The following SDK1 variants were observed in gnomAD, a reference collection of about 807,000 sequenced individuals.
SDK1 encodes the protein sidekick cell adhesion molecule 1.
SDK1 carries 157 observed loss-of-function variants against 245.5 expected under a neutral mutation model. The observed-to-expected ratio is 0.64, with a 90% CI of 0.56 to 0.73. The LOEUF (loss-of-function observed/expected upper bound fraction) is 0.73, where lower values mean the gene tolerates loss of function less well. Ranked by LOEUF, SDK1 falls within the 30% of genes least tolerant of loss-of-function variation. SDK1 has a pLI of 0.00. For missense variants in SDK1, 3,583 were observed against 3,002.3 expected, an observed-to-expected ratio of 1.19 and a Z score of -4.52; for synonymous variants, 1,647 against 1,278.5, an observed-to-expected ratio of 1.29 and a Z score of -6.15.
At chr7:4,061,727 C>T (rs1281243876) in intron 19 of SDK1, among the ~76,000 whole-genome samples, 3 of 152,002 alleles carry the variant, frequency 2.0e-5, no homozygotes, top group Non-Finnish European at 4.4e-5. Flanking sequence ...GACTTTGAAC[C>T]AATCCAAATG....
chr7:4,034,685 A>G (rs545115088), intron 17 of SDK1, among the ~76,000 whole-genome samples: 2 of 152,318 alleles, frequency 1.3e-5, no homozygotes, highest in South Asian at 2.1e-4. Flanking sequence ...TATTCCAAAA[A>G]TGAACTTGCA....
rs1012906075 is a variant in SDK1 at position 3,688,993 on chromosome 7, C to G, written c.713+46888C>G. On this transcript the variant is annotated intron_variant, in intron 4 of 44. Transcript: ENST00000404826. ...CCCAAGGGGCCAATCCATCCATGTT[C>G]CCACCTTCTGCTATACTTGCGTTCC... Among the ~76,000 whole-genome samples, 13 of 152,308 alleles carry G rather than the reference C, an allele frequency of 8.5e-5. No homozygotes were observed. In the South Asian group the frequency reaches 1.0e-3, roughly 12 times the overall value.
At chr7:3,714,898 T>C (rs1393918476) in intron 4 of SDK1, among the ~76,000 whole-genome samples, 1 of 152,188 alleles carries the variant, frequency 6.6e-6, no homozygotes, top group African/African-American at 2.4e-5. Flanking sequence ...AATTTTTAGA[T>C]TTTAAAATGT....
intron 17 of SDK1, among the ~76,000 whole-genome samples, chr7:4,025,657 TC>T (rs1468111097): frequency 2.0e-5 from 3 of 152,200 alleles, no homozygotes; most frequent in African/African-American, 7.2e-5. Context: ...TATCCCCATA[TC>T]CAAGCACAAT....
At chr7:3,632,087 C>G (rs1159490737) in intron 2 of SDK1, among the ~76,000 whole-genome samples, 2 of 152,122 alleles carry the variant, frequency 1.3e-5, no homozygotes, top group African/African-American at 4.8e-5. Context: ...AACAGACATG[C>G]AATAAAAGAT....
At chr7:4,088,054 C>A (rs1012775921) in intron 22 of SDK1, among the ~76,000 whole-genome samples, 1 of 152,102 alleles carries the variant, frequency 6.6e-6, no homozygotes, top group African/African-American at 2.4e-5. Flanking sequence ...CTGTTATAAC[C>A]CCGTGTCACA....
intron 1 of SDK1, among the ~76,000 whole-genome samples, chr7:3,387,820 T>C (rs1171474843): frequency 2.6e-5 from 4 of 152,246 alleles, no homozygotes; most frequent in African/African-American, 9.6e-5. Flanking sequence ...TACATGTCAG[T>C]ACCATTTTGA....
At chr7:4,083,733 CAT>C (rs1781235465) in intron 22 of SDK1, among the ~76,000 whole-genome samples, 8 of 8,578 alleles carry the variant, frequency 9.3e-4, no homozygotes, top group African/African-American at 3.9e-3. Context: ...TTACTTCCTC[CAT>C]CCCTCCCTTC....
intron 5 of SDK1, among the ~76,000 whole-genome samples, chr7:3,828,463 C>G (rs941500371): frequency 2.0e-5 from 3 of 151,740 alleles, no homozygotes; most frequent in Admixed American, 6.6e-5. Context: ...TTCCTCATGT[C>G]ATTGAGAGAT....
At chr7:3,370,385 A>G (rs970750268) in intron 1 of SDK1, among the ~76,000 whole-genome samples, 93 of 152,210 alleles carry the variant, frequency 6.1e-4, no homozygotes, top group African/African-American at 2.2e-3. Context: ...TGTTCTTTAT[A>G]AGTCTGTATC....
intron 4 of SDK1, among the ~76,000 whole-genome samples, chr7:3,698,047 G>T (rs1784625535): frequency 6.6e-6 from 1 of 152,078 alleles, no homozygotes; most frequent in Non-Finnish European, 1.5e-5. Context: ...GCTTGCACTG[G>T]GTGTTGAGAA....
chr7:4,265,266 G>A lies in SDK1; in HGVS notation c.6524G>A (p.Gly2175Asp). The change falls in exon 45 of 45, where the codon GGC (glycine) becomes GAC (aspartate). Residue 2175 changes from glycine to aspartate, a missense_variant. By Grantham distance (94) the Gly-to-Asp change is moderately conservative. Coordinates refer to ENST00000404826, the MANE Select transcript of SDK1 (RefSeq NM_152744.4). ...PAPHRYEAVA[G>D]SEAGAQLHPV... The stretch of plus-strand genomic sequence containing the variant: ...CCGCACAGGTACGAGGCGGTGGCGG[G>A]CTCCGAGGCGGGCGCGCAGCTGCAC... 1.3e-6 allele frequency: 2 copies of A among 1,596,392 alleles called. No individual in the cohort carries two copies. Among genetic ancestry groups the A allele is most frequent in the Admixed American group, 1.7e-5 (1 of 59,276 alleles).
intron 4 of SDK1, among the ~76,000 whole-genome samples, chr7:3,701,924 C>CAAAAAAAAAAAAAAAAA (rs58687135): frequency 1.2e-5 from 1 of 85,682 alleles, no homozygotes; most frequent in African/African-American, 3.6e-5. Context: ...CGTGCATAAG[C>CAAAAAAAAAAAAAAAAA]AAAAAAAAAA....
Position 4,197,731 on chromosome 7 carries a change from G to C in SDK1, c.5099-8148G>C, listed in dbSNP as rs371965871. On this transcript the variant is annotated intron_variant, in intron 35 of 44. Coordinates refer to ENST00000404826, the MANE Select transcript of SDK1 (RefSeq NM_152744.4). ...TTTGCTCCTGGGTCTTGTAAACAGT[G>C]TTCCTTTGACCTTCCCCTCGAGGAC... is the stretch of plus-strand genomic sequence containing the variant. 4.6e-5 allele frequency among the ~76,000 whole-genome samples: 7 copies of C among 152,304 alleles called. No individual in the cohort carries two copies. In the East Asian group the frequency reaches 1.4e-3, roughly 29 times the overall value.
chr7:4,237,200 G>A (rs1786223148), intron 41 of SDK1, among the ~76,000 whole-genome samples: 1 of 151,902 alleles, frequency 6.6e-6, no homozygotes, highest in Non-Finnish European at 1.5e-5. Flanking sequence ...CTGTTTTTTT[G>A]TTTTGTTTTG....
intron 17 of SDK1, among the ~76,000 whole-genome samples, chr7:4,037,274 C>A (rs184200193): frequency 1.1e-4 from 16 of 152,304 alleles, no homozygotes; most frequent in African/African-American, 3.8e-4. Context: ...ACTGGGAGAA[C>A]TGATGTTAGT....
intron 44 of SDK1, among the ~76,000 whole-genome samples, chr7:4,256,651 A>G (rs1787648383): frequency 6.6e-6 from 1 of 152,244 alleles, no homozygotes; most frequent in Non-Finnish European, 1.5e-5. Flanking sequence ...GTTGGGAATA[A>G]AGAGTAATGT....
intron 5 of SDK1, among the ~76,000 whole-genome samples, chr7:3,950,356 C>T (rs900401030): frequency 1.3e-5 from 2 of 152,198 alleles, no homozygotes; most frequent in African/African-American, 2.4e-5. Context: ...TGTCATGCTC[C>T]GATCATCCCA....
chr7:3,503,008 T>A (rs1782268070), intron 1 of SDK1, among the ~76,000 whole-genome samples: 1 of 152,208 alleles, frequency 6.6e-6, no homozygotes, highest in Non-Finnish European at 1.5e-5. Flanking sequence ...CTGGTGATGT[T>A]ATTAATATTA....
Sources: allele counts gnomAD v4.1 joint callset (sites outside exome capture counted in the v4.1 genomes callset), GRCh38; gene constraint gnomAD v4.1.1; transcripts MANE v1.5; gene names NCBI Gene and HGNC (gene_info 2026-07-23, HGNC 2026-07-21).